The following RYR3 variants were observed in gnomAD, a reference collection of about 807,000 sequenced individuals.
The protein encoded by RYR3 is ryanodine receptor 3, also known as brain ryanodine receptor-calcium release channel.
A neutral mutation model predicts 584.3 loss-of-function variants in RYR3; 207 were observed. The ratio of observed to expected loss-of-function variants is 0.35; its 90% CI spans 0.32 to 0.40. RYR3 has a LOEUF of 0.40. Among genes scored for constraint, RYR3 ranks in the 10% least tolerant of loss-of-function variants. The probability of loss-of-function intolerance (pLI) is 1.00; values close to 1 mark genes in which losing one functional copy is unlikely to be tolerated. For synonymous variants in RYR3, 2,416 were observed against 2,248.5 expected, an observed-to-expected ratio of 1.07 and a Z score of -2.11; for missense variants, 5,616 against 6,089.2, an observed-to-expected ratio of 0.92 and a Z score of 2.59.
intron 101 of RYR3, 39 bp from the exon 102 acceptor site, chr15:33,861,039 A>C (rs1567356537): frequency 1.4e-6 from 2 of 1,411,496 alleles, no homozygotes; most frequent in Non-Finnish European, 2.0e-6. Flanking sequence ...TGCCTATATT[A>C]TGCCAACAAA....
At chr15:33,799,909 G>A (rs114755592) in intron 67 of RYR3, among the ~76,000 whole-genome samples, 126 of 147,786 alleles carry the variant, frequency 8.5e-4, no homozygotes, top group African/African-American at 2.9e-3. Context: ...TATCAGAAGC[G>A]TTGAGCAGAG....
At chr15:33,612,032 C>A (rs1311630581) in intron 18 of RYR3, among the ~76,000 whole-genome samples, 1 of 152,150 alleles carries the variant, frequency 6.6e-6, no homozygotes, top group Admixed American at 6.5e-5. Context: ...AACAAGATAT[C>A]TTTTTATCTT....
At chr15:33,742,565 A>G (rs1238671294) in intron 52 of RYR3, 121 bp downstream of exon 52, 1 of 699,278 alleles carries the variant, frequency 1.4e-6, no homozygotes, top group Non-Finnish European at 2.5e-6. Flanking sequence ...TGCCGAGAGC[A>G]TTCATTATTT....
intron 100 of RYR3, 105 bp from the exon 101 acceptor site, chr15:33,860,490 A>G: frequency 1.6e-6 from 1 of 634,168 alleles, no homozygotes; most frequent in Non-Finnish European, 2.6e-6. Flanking sequence ...TTGCTTTGAT[A>G]ATTCACTTTT....
intron 45 of RYR3, among the ~76,000 whole-genome samples, chr15:33,724,879 G>T (rs757902986): frequency 6.6e-6 from 1 of 151,928 alleles, no homozygotes; most frequent in African/African-American, 2.4e-5. Context: ...ACCCACTTAG[G>T]CCTGTTTTTC....
chr15:33,320,298 A>G (rs1374019865), intron 1 of RYR3, among the ~76,000 whole-genome samples: 1 of 152,208 alleles, frequency 6.6e-6, no homozygotes, highest in African/African-American at 2.4e-5. Flanking sequence ...TTAATAAATG[A>G]TAGGCTTTAT....
chr15:33,674,291 G>C (rs192553601), intron 38 of RYR3, among the ~76,000 whole-genome samples: 3 of 152,250 alleles, frequency 2.0e-5, no homozygotes, highest in Admixed American at 2.0e-4. Flanking sequence ...GCAGAGCTCA[G>C]GCAGTATTTC....
chr15:33,544,471 T>C (rs577849358), intron 8 of RYR3, among the ~76,000 whole-genome samples: 1 of 152,294 alleles, frequency 6.6e-6, no homozygotes, highest in South Asian at 2.1e-4. Context: ...TGCATTTCTT[T>C]TGCTTCATTA....
intron 1 of RYR3, among the ~76,000 whole-genome samples, chr15:33,312,712 A>G (rs1411035106): frequency 6.6e-6 from 1 of 152,078 alleles, no homozygotes; most frequent in Non-Finnish European, 1.5e-5. Flanking sequence ...TGCTTGAAAA[A>G]ATTATCTTCA....
In RYR3 at chr15:33,662,629, C is replaced by A; in HGVS notation, c.5099C>A (p.Thr1700Lys). 1 of 1,614,010 alleles carries A rather than the reference C, an allele frequency of 6.2e-7. No individual in the cohort carries two copies. Among genetic ancestry groups the A allele is most frequent in the Non-Finnish European group, 8.5e-7 (1 of 1,179,910 alleles). Residue 1700 changes from threonine (T) to lysine (K), a missense_variant, in exon 35 of 104, where the codon ACA (threonine) becomes AAA (lysine). By Grantham distance (78) the Thr-to-Lys change is moderately conservative (BLOSUM62 -1). Around this residue, in one of 9 missense-constraint regions of RYR3, gnomAD observed 753 missense variants for 741.0 expected, o/e 1.02. Coordinates refer to ENST00000634891, the MANE Select transcript of RYR3 (RefSeq NM_001036.6). ...AGGACGAAGGCTCTGAGTATGCTGACAGAGGCAGTGCAGTGCAGCGGGGCC... is the reference window on the plus strand; with the variant it reads ...AGGACGAAGGCTCTGAGTATGCTGAAAGAGGCAGTGCAGTGCAGCGGGGCC... Reference protein sequence around the residue: ...SLRTKALSMLTEAVQCSGAHI... With the variant: ...SLRTKALSMLKEAVQCSGAHI...
intron 42 of RYR3, 44 bp from the exon 43 acceptor site, chr15:33,706,875 A>G: frequency 6.5e-7 from 1 of 1,548,190 alleles, no homozygotes; most frequent in Non-Finnish European, 8.7e-7. Context: ...TTTAATAGCC[A>G]TCCTAATGCG....
intron 60 of RYR3, among the ~76,000 whole-genome samples, chr15:33,765,030 CAA>C (rs1183335863): frequency 2.3e-5 from 2 of 85,770 alleles, no homozygotes; most frequent in East Asian, 7.0e-4. Flanking sequence ...GACTTCGTCT[CAA>C]AAAAAAAAAA....
intron 57 of RYR3, among the ~76,000 whole-genome samples, chr15:33,750,797 CG>C (rs1366746045): frequency 1.3e-5 from 2 of 152,062 alleles, no homozygotes; most frequent in Non-Finnish European, 1.5e-5. Context: ...TAGGTATACA[CG>C]TGCCATGGTG....
At chr15:33,491,644 C>T (rs1437941877) in intron 2 of RYR3, among the ~76,000 whole-genome samples, 1 of 152,216 alleles carries the variant, frequency 6.6e-6, no homozygotes, top group Non-Finnish European at 1.5e-5. Flanking sequence ...CACCCCTTCC[C>T]TGTCTTCATT....
chr15:33,599,968 C>T (rs989344335), intron 16 of RYR3, among the ~76,000 whole-genome samples: 3 of 152,200 alleles, frequency 2.0e-5, no homozygotes, highest in African/African-American at 7.2e-5. Flanking sequence ...AAGTCTCCCA[C>T]AGCCATCACT....
At chr15:33,718,470 A>G (rs556725227) in intron 43 of RYR3, among the ~76,000 whole-genome samples, 1 of 152,224 alleles carries the variant, frequency 6.6e-6, no homozygotes, top group Non-Finnish European at 1.5e-5. Flanking sequence ...GTACAGTCTA[A>G]TGGGGAAAGC....
intron 2 of RYR3, among the ~76,000 whole-genome samples, chr15:33,482,808 T>G (rs767402237): frequency 6.6e-5 from 10 of 152,290 alleles, no homozygotes; most frequent in Non-Finnish European, 1.3e-4. Context: ...TTTATGGATC[T>G]TTTGGTTGTT....
chr15:33,647,391 G>A, intron 29 of RYR3, 33 bp from the exon 30 acceptor site: 1 of 1,583,456 alleles, frequency 6.3e-7, no homozygotes, highest in Middle Eastern at 1.7e-4. Flanking sequence ...CAATACAGCT[G>A]AATAACTAAA....
chr15:33,777,018 G>T (rs8028672), intron 64 of RYR3, among the ~76,000 whole-genome samples: 1,590 of 152,300 alleles, frequency 0.01, 33 homozygotes, highest in African/African-American at 0.036. Context: ...GCAAGACCCA[G>T]TGGCTACAAA....
Sources: gnomAD v4.1 joint callset for allele counts (sites outside exome capture counted in the v4.1 genomes callset) on GRCh38, gnomAD v4.1.1 for gene constraint, gnomAD v4.1.1 regional missense constraint, MANE v1.5 for transcripts, NCBI Gene and HGNC (gene_info 2026-07-23, HGNC 2026-07-21) for gene names.